Variants in SKAP2 observed in about 807,000 individuals in gnomAD.
SKAP2 encodes src kinase-associated phosphoprotein 2.
Under a neutral mutation model 54.9 loss-of-function variants are expected in SKAP2, and 28 were observed. That is an observed-to-expected ratio of 0.51 (90% CI 0.38 to 0.70). SKAP2 has a LOEUF of 0.70. Among genes scored for constraint, SKAP2 ranks in the 30% least tolerant of loss-of-function variants. SKAP2 has a pLI of 0.00. For missense variants in SKAP2, 356 were observed against 424.1 expected (o/e 0.84, Z 1.41); for synonymous variants, 137 against 134.3 (o/e 1.02, Z -0.14).
At chr7:26,838,927 A>T (rs1247480716) in intron 4 of SKAP2, among the ~76,000 whole-genome samples, 1 of 152,158 alleles carries the variant, frequency 6.6e-6, no homozygotes, top group Non-Finnish European at 1.5e-5. Context: ...TAGGAACTTT[A>T]TCTTATTCAC....
At chr7:26,659,191 A>G in the SKAP2 span, among the ~76,000 whole-genome samples, 3 of 152,196 alleles carry the variant, frequency 2.0e-5, no homozygotes, top group African/African-American at 7.2e-5. Flanking sequence ...ATAGTGGATT[A>G]TAAGGGCCTT....
intron 9 of SKAP2, among the ~76,000 whole-genome samples, chr7:26,693,632 A>G (rs1470222666): frequency 6.6e-6 from 1 of 152,216 alleles, no homozygotes; most frequent in Non-Finnish European, 1.5e-5. Context: ...TGTTTACTAT[A>G]AAATATCCAA....
chr7:26,772,786 T>C (rs1259742057), intron 4 of SKAP2, among the ~76,000 whole-genome samples: 2 of 152,238 alleles, frequency 1.3e-5, no homozygotes, highest in Non-Finnish European at 2.9e-5. Context: ...AGTATTTTTA[T>C]GGCCTGTAAC....
chr7:26,792,685 A>C (rs75774455), intron 4 of SKAP2, among the ~76,000 whole-genome samples: 3,994 of 152,280 alleles, frequency 0.026, 171 homozygotes, highest in African/African-American at 0.091. Context: ...TCTGAAAATA[A>C]GAGTGAGTGA....
chr7:26,864,325 C>T (rs538208708), intron 1 of SKAP2, 38 bp downstream of exon 1: 1 of 1,613,040 alleles, frequency 6.2e-7, no homozygotes, highest in African/African-American at 1.3e-5. Flanking sequence ...CCCTCGCCCC[C>T]GCCCCGACAG....
At chr7:26,783,252 G>A (rs757755075) in intron 4 of SKAP2, among the ~76,000 whole-genome samples, 3 of 152,002 alleles carry the variant, frequency 2.0e-5, no homozygotes, top group Non-Finnish European at 4.4e-5. Flanking sequence ...CAATCACCAA[G>A]GTCTGTTGAC....
At chr7:26,804,684 A>T (rs1783988859) in intron 4 of SKAP2, among the ~76,000 whole-genome samples, 1 of 151,420 alleles carries the variant, frequency 6.6e-6, no homozygotes, top group Non-Finnish European at 1.5e-5. Flanking sequence ...GGTTGCAGTG[A>T]GCCGAAATAG....
At chr7:26,759,937 C>A (rs1203356478) in intron 4 of SKAP2, among the ~76,000 whole-genome samples, 1 of 149,710 alleles carries the variant, frequency 6.7e-6, no homozygotes, top group Non-Finnish European at 1.5e-5. Context: ...CTCAAAAAAG[C>A]ATCTTAATGC....
chr7:26,725,607 GA>G (rs1787688474), intron 8 of SKAP2, 42 bp from the exon 9 acceptor site: 1 of 1,498,320 alleles, frequency 6.7e-7, no homozygotes, highest in Non-Finnish European at 9.0e-7. Flanking sequence ...AAAGAATGCA[GA>G]AGATATTTTT....
chr7:26,756,944 T>C (rs1782807417), intron 4 of SKAP2, among the ~76,000 whole-genome samples: 1 of 152,220 alleles, frequency 6.6e-6, no homozygotes, highest in African/African-American at 2.4e-5. Flanking sequence ...TGATGAGCAT[T>C]TTTTCACGTG....
At chr7:26,824,452 T>C (rs1462928386) in intron 4 of SKAP2, among the ~76,000 whole-genome samples, 1 of 152,146 alleles carries the variant, frequency 6.6e-6, no homozygotes, top group African/African-American at 2.4e-5. Context: ...TAAATCTGAA[T>C]TTTTCTGGGT....
At chr7:26,727,953 G>A (rs188255055) in intron 6 of SKAP2, among the ~76,000 whole-genome samples, 1 of 152,148 alleles carries the variant, frequency 6.6e-6, no homozygotes, top group Admixed American at 6.6e-5. Flanking sequence ...TCGTGTTGTG[G>A]GGTGTGCTTT....
intron 4 of SKAP2, among the ~76,000 whole-genome samples, chr7:26,831,380 A>G (rs189901329): frequency 6.6e-6 from 1 of 152,328 alleles, no homozygotes; most frequent in Admixed American, 6.5e-5. Flanking sequence ...TGTTGAAAAA[A>G]TGATTGTGTA....
intron 6 of SKAP2, among the ~76,000 whole-genome samples, chr7:26,732,377 T>C (rs1247666640): frequency 6.6e-6 from 1 of 152,204 alleles, no homozygotes; most frequent in Non-Finnish European, 1.5e-5. Flanking sequence ...TTACCTACCT[T>C]AGTTCTTGCT....
chr7:26,744,650 G>C (rs1413730402), intron 4 of SKAP2, among the ~76,000 whole-genome samples: 1 of 151,994 alleles, frequency 6.6e-6, no homozygotes, highest in Non-Finnish European at 1.5e-5. Context: ...ATTTTGTCCA[G>C]TATTGGGTGC....
intron 11 of SKAP2, among the ~76,000 whole-genome samples, chr7:26,682,429 T>C (rs1374949485): frequency 6.6e-6 from 1 of 152,164 alleles, no homozygotes; most frequent in Non-Finnish European, 1.5e-5. Context: ...CTAAATGTCT[T>C]CTCCTTTTTA....
At chr7:26,857,377 G>C in intron 1 of SKAP2, 2 of 532,538 alleles carry the variant, frequency 3.8e-6, no homozygotes, top group Non-Finnish European at 4.7e-6. Flanking sequence ...TTAGTTTGTT[G>C]ACTGTCCACA....
chr7:26,674,568 C>T (rs923534154), intron 11 of SKAP2, among the ~76,000 whole-genome samples: 1 of 152,048 alleles, frequency 6.6e-6, no homozygotes, highest in African/African-American at 2.4e-5. Flanking sequence ...AGATTCCTAA[C>T]CTGTTAAATG....
intron 4 of SKAP2, among the ~76,000 whole-genome samples, chr7:26,766,676 C>T (rs1783063868): frequency 6.6e-6 from 1 of 152,092 alleles, no homozygotes; most frequent in South Asian, 2.1e-4. Flanking sequence ...GAGTTTTTAG[C>T]ATGAAGGGCT....
Sources: allele counts gnomAD v4.1 joint callset (sites outside exome capture counted in the v4.1 genomes callset), GRCh38; gene constraint gnomAD v4.1.1; transcripts MANE v1.5; gene names NCBI Gene and HGNC (gene_info 2026-07-23, HGNC 2026-07-21).